The following DHX16 variants were observed in gnomAD, a reference collection of about 807,000 sequenced individuals.
DHX16 encodes the protein DEAH-box helicase 16.
DHX16 carries 81 observed loss-of-function variants against 131.2 expected under a neutral mutation model. The ratio of observed to expected loss-of-function variants is 0.62; its 90% CI spans 0.52 to 0.74. The LOEUF is 0.74. Among genes scored for constraint, DHX16 ranks in the 30% least tolerant of loss-of-function variants. The probability of loss-of-function intolerance (pLI) is 0.00; values close to 1 mark genes in which losing one functional copy is unlikely to be tolerated. For synonymous variants in DHX16, 440 were observed against 520.2 expected, an observed-to-expected ratio of 0.85 and a Z score of 2.10; for missense variants, 980 against 1,363.1, an observed-to-expected ratio of 0.72 and a Z score of 4.43.
chr6:30,665,034 G>T lies in DHX16; in HGVS notation c.1125+37C>A. 1 of 1,613,684 alleles carries T rather than the reference G, an allele frequency of 6.2e-7. No homozygotes were observed. Reference sequence around the variant, plus strand: ...AGGTGTGAGCTAAATAGCTCGCTACGGGTCTTCCTCAGAAAGTCTCCCAGC... The same window carrying T: ...AGGTGTGAGCTAAATAGCTCGCTACTGGTCTTCCTCAGAAAGTCTCCCAGC... On this transcript the variant is annotated intron_variant, in intron 6 of 19. Coordinates refer to ENST00000376442, the MANE Select transcript of DHX16 (RefSeq NM_003587.5). This position sits in a 1 kb window ranked among gnomAD's most constrained non-coding sequence, Gnocchi z 4.8.
intron 18 of DHX16, 143 bp from the exon 19 acceptor site, chr6:30,655,022 T>TG: frequency 1.4e-6 from 2 of 1,389,844 alleles, no homozygotes; most frequent in East Asian, 4.6e-5. Flanking sequence ...GAACCTTCAG[T>TG]GGTCTGGGGA....
intron 12 of DHX16, among the ~76,000 whole-genome samples, chr6:30,658,456 T>A (rs1239155963): frequency 1.3e-5 from 2 of 151,092 alleles, no homozygotes; most frequent in Non-Finnish European, 2.9e-5. Flanking sequence ...GACAGGAGAA[T>A]CGCTTGAACC....
At position 30,665,601 on chromosome 6, in the gene DHX16, G is replaced by A; in HGVS notation, c.799C>T (p.Arg267Trp). 6 of 1,612,920 alleles carry A rather than the reference G, an allele frequency of 3.7e-6. No individual in the cohort carries two copies. Among genetic ancestry groups the A allele is most frequent in the South Asian group, 2.2e-5 (2 of 91,082 alleles). ...CGCCGCTTATATTTGAGCTCCTGCC[G>A]CTCGTGCCGGCTCAGCTCCACGTCC... ...FGDVELSRHE[R>W]QELKYKRRVR... The change falls in exon 5 of 20, where the codon CGG (arginine) becomes TGG (tryptophan). Residue 267 changes from arginine (R) to tryptophan (W), a missense_variant. By Grantham distance (101) the Arg-to-Trp change is moderately radical. Around this residue, in one of 3 missense-constraint regions of DHX16, gnomAD observed 457 missense variants for 554.8 expected, o/e 0.82. Transcript: ENST00000376442. This position sits in a 1 kb window ranked among gnomAD's most constrained non-coding sequence, Gnocchi z 4.8.
intron 1 of DHX16, 94 bp downstream of exon 1, chr6:30,672,541 T>C (rs1176926063): frequency 3.5e-6 from 4 of 1,151,050 alleles, no homozygotes; most frequent in African/African-American, 3.1e-5. Context: ...AAAGAATAAG[T>C]GCTTGTGAAC....
rs1020597287 is a variant in DHX16 at position 30,670,521 on chromosome 6, C to A, written c.610-55G>T. The A allele has an allele frequency of 6.4e-6, 10 of 1,552,104 alleles. No individual in the cohort carries two copies. The highest frequency in any genetic ancestry group is 8.8e-6 in the Non-Finnish European group (10 of 1,133,352). On this transcript the variant is annotated intron_variant, in intron 3 of 19. Coordinates refer to ENST00000376442, the MANE Select transcript of DHX16 (RefSeq NM_003587.5). This position sits in a 1 kb window ranked among gnomAD's most constrained non-coding sequence, Gnocchi z 4.4. ...TGAGGCCAAAGAGCCCCCACACTGA[C>A]AGCTGCTCCCCTCTAGAATCACAAG...
intron 4 of DHX16, among the ~76,000 whole-genome samples, chr6:30,666,140 GAT>G (rs1237619452): frequency 3.9e-5 from 6 of 152,194 alleles, no homozygotes; most frequent in African/African-American, 1.4e-4. Flanking sequence ...TTCAGACAAA[GAT>G]AGAAACCAGT....
intron 18 of DHX16, 121 bp downstream of exon 18, chr6:30,655,054 C>CT (rs1767841205): frequency 6.9e-7 from 1 of 1,451,958 alleles, no homozygotes; most frequent in African/African-American, 1.4e-5. Flanking sequence ...TGGGAGGACA[C>CT]GTCATACACA....
intron 4 of DHX16, among the ~76,000 whole-genome samples, chr6:30,667,566 A>C (rs1769161092): frequency 6.8e-6 from 1 of 147,772 alleles, no homozygotes. Context: ...TGGGCGACAG[A>C]GCGAGACTCT....
At chr6:30,655,947 T>C (rs1199885760) in intron 16 of DHX16, among the ~76,000 whole-genome samples, 2 of 152,118 alleles carry the variant, frequency 1.3e-5, no homozygotes, top group African/African-American at 2.4e-5. Flanking sequence ...CACAGCTACA[T>C]CTAAATGTTC....
At chr6:30,653,646 A>C (rs1343012531) in intron 19 of DHX16, among the ~76,000 whole-genome samples, 1 of 4,682 alleles carries the variant, frequency 2.1e-4, no homozygotes, top group African/African-American at 1.5e-3. Flanking sequence ...GGGATGGTTT[A>C]CAAAAATGAG....
At position 30,665,871 on chromosome 6, in the gene DHX16, T is replaced by C. The variant is rs1769000019; in HGVS notation, c.667-138A>G. The C allele has an allele frequency of 1.8e-6, 2 of 1,100,620 alleles. No homozygotes were observed. The highest frequency in any genetic ancestry group is 1.6e-5 in the African/African-American group (1 of 63,160). 68.2% of individuals were successfully genotyped at this position (1,100,620 alleles called of 1,614,324 possible). On this transcript the variant is annotated intron_variant, in intron 4 of 19. Transcript: ENST00000376442. This position sits in a 1 kb window ranked among gnomAD's most constrained non-coding sequence, Gnocchi z 4.8. The stretch of plus-strand genomic sequence containing the variant: ...TGCACCCTCTACCTTCCCTCTGCAA[T>C]GCACAACCAAAACAATGACATACTC...
At chr6:30,659,370 C>T in intron 12 of DHX16, 102 bp downstream of exon 12, 1 of 1,267,336 alleles carries the variant, frequency 7.9e-7, no homozygotes, top group Non-Finnish European at 1.1e-6. Flanking sequence ...CAGCTGTGTG[C>T]AGCAGTGCGC....
At position 30,665,831 on chromosome 6, in the gene DHX16, A is replaced by C; in HGVS notation, c.667-98T>G. On this transcript the variant is annotated intron_variant, in intron 4 of 19. Transcript: ENST00000376442. The surrounding 1 kb of genome is among the most constrained non-coding windows in gnomAD (Gnocchi z 4.8). The stretch of plus-strand genomic sequence containing the variant: ...GGGAAAAATCCCCTGACAGGCAGGC[A>C]TGAGAACCTCAGGATGCACCCTCTA... 6.8e-7 allele frequency: 1 copy of C among 1,480,608 alleles called. No individual in the cohort carries two copies. 91.7% of individuals were successfully genotyped at this position (1,480,608 alleles called of 1,614,324 possible).
In DHX16 at chr6:30,655,435, C is replaced by T; in HGVS notation, c.2661G>A (p.Gln887=). The T allele has an allele frequency of 6.2e-7, 1 of 1,613,942 alleles. No homozygotes were observed. Among genetic ancestry groups the T allele is most frequent in the Non-Finnish European group, 8.5e-7 (1 of 1,180,030 alleles). The stretch of plus-strand genomic sequence containing the variant: ...TTCCCACTCACCCAAGCCCAGTGAC[C>T]TGTGTGTAAACATTTAGCAGAACCA... ...DHLVLLNVYT[Q]WAESGYSSQW... The change falls in exon 17 of 20, where the codon CAG becomes CAA. Residue 887 remains glutamine (Q), a splice_region_variant and synonymous_variant. Coordinates refer to ENST00000376442, the MANE Select transcript of DHX16 (RefSeq NM_003587.5).
At chr6:30,661,704 C>A in intron 9 of DHX16, 1 of 713,062 alleles carries the variant, frequency 1.4e-6, no homozygotes, top group South Asian at 1.5e-5. Flanking sequence ...CCCAGGAACT[C>A]ATCCCCATCT....
intron 12 of DHX16, among the ~76,000 whole-genome samples, chr6:30,657,964 G>A (rs1279657213): frequency 1.3e-5 from 2 of 152,192 alleles, no homozygotes; most frequent in African/African-American, 2.4e-5. Context: ...GACCACAAGT[G>A]CAAGTTTGTT....
intron 16 of DHX16, among the ~76,000 whole-genome samples, chr6:30,655,906 G>A (rs1010359264): frequency 1.3e-5 from 2 of 152,188 alleles, no homozygotes; most frequent in Admixed American, 6.5e-5. Context: ...ATCTCTGACA[G>A]CAGAGGAATG....
At position 30,657,446 on chromosome 6, in the gene DHX16, G is replaced by C. The variant is rs1045960712; in HGVS notation, c.2008-354C>G. On this transcript the variant is annotated intron_variant, in intron 12 of 19. Coordinates refer to ENST00000376442, the MANE Select transcript of DHX16 (RefSeq NM_003587.5). ...TAAGAGCCTCCTAACGTGTATCCCTGCTTCTGCTCCTAGCCTCTGTCACAT... is the reference window on the plus strand; with the variant it reads ...TAAGAGCCTCCTAACGTGTATCCCTCCTTCTGCTCCTAGCCTCTGTCACAT... Among the ~76,000 whole-genome samples, 7 of 151,646 alleles carry C rather than the reference G, an allele frequency of 4.6e-5. No individual in the cohort carries two copies. In the East Asian group the frequency reaches 1.2e-3, roughly 25 times the overall value.
Position 30,671,093 on chromosome 6 carries a change from T to C in DHX16, c.389A>G (p.Lys130Arg). 6.2e-7 allele frequency: 1 copy of C among 1,613,160 alleles called. No homozygotes were observed. The highest frequency in any genetic ancestry group is 8.5e-7 in the Non-Finnish European group (1 of 1,180,042). ...KKRKKRKHLRKKREEEEEEEA... is the reference protein window; with the variant it reads ...KKRKKRKHLRRKREEEEEEEA... Reference sequence around the variant, plus strand: ...TTCCTCCTCTTCTTCCTCACGCTTCTTCCTGAGGTGTTTCCGCTTTTTACG... The same window carrying C: ...TTCCTCCTCTTCTTCCTCACGCTTCCTCCTGAGGTGTTTCCGCTTTTTACG... The change falls in exon 2 of 20, where the codon AAG becomes AGG. Residue 130 changes from lysine (K) to arginine (R), a missense_variant. Physicochemically the swap from Lys to Arg is conservative, Grantham distance 26. Coordinates refer to ENST00000376442, the MANE Select transcript of DHX16 (RefSeq NM_003587.5).
Sources: gnomAD v4.1 joint callset for allele counts (sites outside exome capture counted in the v4.1 genomes callset) on GRCh38, gnomAD v4.1.1 for gene constraint, gnomAD v4.1.1 regional missense constraint, Gnocchi (gnomAD v3.1) non-coding constraint, MANE v1.5 for transcripts, NCBI Gene and HGNC (gene_info 2026-07-23, HGNC 2026-07-21) for gene names.